Variants in PUS10 observed in about 807,000 individuals in gnomAD.
PUS10 encodes tRNA pseudouridine synthase Pus10.
In PUS10, 59 loss-of-function variants were observed where a neutral mutation model predicts 75.0. That is an observed-to-expected ratio of 0.79 (90% CI 0.64 to 0.98). The LOEUF is 0.98. Ranked by LOEUF, PUS10 falls within the 50% of genes least tolerant of loss-of-function variation. The pLI is 0.00. For missense variants in PUS10, 650 were observed against 614.4 expected (o/e 1.06, Z -0.61); for synonymous variants, 219 against 211.6 (o/e 1.03, Z -0.30).
intron 5 of PUS10, 39 bp from the exon 6 acceptor site, chr2:60,967,652 T>C: frequency 7.0e-7 from 1 of 1,435,556 alleles, no homozygotes; most frequent in East Asian, 2.3e-5. Flanking sequence ...CATGAAAAAC[T>C]TTACTTTTTC....
At position 61,011,708 on chromosome 2, in the gene PUS10, T is replaced by C; in HGVS notation, c.126+57A>G. ...CCCTCAAAAGTACAAGCATTCATTG[T>C]AAAATACAGAGAACCTTCTCTTAAT... On this transcript the variant is annotated intron_variant, in intron 2 of 17. Transcript: ENST00000316752. 7 of 1,333,688 alleles carry C rather than the reference T, an allele frequency of 5.2e-6. 1 individual carries two copies. In the South Asian group the frequency reaches 9.3e-5, roughly 18 times the overall value. The allele number at this position is 1,333,688 out of a possible 1,614,324, so 82.6% of individuals were successfully genotyped here.
intron 1 of PUS10, among the ~76,000 whole-genome samples, chr2:61,013,573 C>T (rs1480108114): frequency 1.3e-5 from 2 of 152,180 alleles, no homozygotes; most frequent in African/African-American, 4.8e-5. Flanking sequence ...AACGTGTATG[C>T]CTTTTCTCCC....
At chr2:60,984,543 C>T (rs1418360184) in intron 4 of PUS10, among the ~76,000 whole-genome samples, 1 of 152,180 alleles carries the variant, frequency 6.6e-6, no homozygotes, top group Non-Finnish European at 1.5e-5. Flanking sequence ...ATCAATTCAG[C>T]AGTTCCAATT....
chr2:60,967,199 CT>C (rs1676391016), intron 6 of PUS10: 1 of 252,720 alleles, frequency 4.0e-6, no homozygotes, highest in Non-Finnish European at 7.3e-6. Flanking sequence ...TTATATGTTG[CT>C]TTGCATCAAG....
chr2:60,962,675 T>G (rs1453989928), intron 9 of PUS10, 151 bp downstream of exon 9: 13 of 1,314,422 alleles, frequency 9.9e-6, no homozygotes, highest in Admixed American at 3.6e-5. Context: ...TGCCAGGTAC[T>G]GCACCATGGG....
rs748942918 is a variant in PUS10, at chr2:60,971,520, T to G, written c.503+3A>C. The G allele has an allele frequency of 9.3e-6, 15 of 1,613,470 alleles. No homozygotes were observed. Among genetic ancestry groups the G allele is most frequent in the Non-Finnish European group, 1.2e-5 (14 of 1,179,450 alleles). The stretch of plus-strand genomic sequence containing the variant: ...GTAAAAATTCCCTACCTAAATTACT[T>G]ACCCCATTTCCTGTTTTACCAGCAA... On this transcript the variant is annotated splice_donor_region_variant and intron_variant, in intron 5 of 17. Transcript: ENST00000316752.
Position 60,941,817 on chromosome 2 carries a change from T to G in PUS10, c.*578A>C, listed in dbSNP as rs1674641385. 1 of 152,344 alleles carries G rather than the reference T, an allele frequency of 6.6e-6. No individual in the cohort carries two copies. The highest frequency in any genetic ancestry group is 2.4e-5 in the African/African-American group (1 of 41,458). 9.4% of individuals were successfully genotyped at this position (152,344 alleles called of 1,614,324 possible). A position where few individuals can be genotyped will look rare whatever the true frequency, so the allele number is the denominator to read the frequency against. On this transcript the variant is annotated 3_prime_UTR_variant, in exon 18 of 18. Transcript: ENST00000316752. ...TAATGAAAGTATTAATGAGAATTAT[T>G]TCATTATTCATAGTTTGGTTAAGAT...
At chr2:60,964,394 A>G (rs1053346884) in intron 8 of PUS10, among the ~76,000 whole-genome samples, 5 of 152,226 alleles carry the variant, frequency 3.3e-5, no homozygotes, top group Admixed American at 1.3e-4. Flanking sequence ...AGGAATGCCT[A>G]AGTCTACGTA....
chr2:61,018,139 C>A lies in PUS10; in HGVS notation c.-147G>T. The A allele has an allele frequency of 6.5e-6, 10 of 1,549,876 alleles. No homozygotes were observed. The highest frequency in any genetic ancestry group is 7.9e-6 in the Non-Finnish European group (9 of 1,146,452). ...GAAAGGGGGGCGGCTTCCTACCTACCGCTTCTGTTTTCACTTTGACAGAAT... is the reference window on the plus strand; with the variant it reads ...GAAAGGGGGGCGGCTTCCTACCTACAGCTTCTGTTTTCACTTTGACAGAAT... On this transcript the variant is annotated 5_prime_UTR_variant, in exon 1 of 18. Transcript: ENST00000316752.
At chr2:60,973,064 C>A (rs1676789054) in intron 4 of PUS10, among the ~76,000 whole-genome samples, 1 of 152,184 alleles carries the variant, frequency 6.6e-6, no homozygotes, top group Admixed American at 6.5e-5. Context: ...CCCGAGGCAG[C>A]CAACTGTGCC....
chr2:61,012,188 A>G (rs1426232202), intron 1 of PUS10, among the ~76,000 whole-genome samples: 1 of 152,216 alleles, frequency 6.6e-6, no homozygotes, highest in Non-Finnish European at 1.5e-5. Flanking sequence ...AATAAAAATA[A>G]TCAAGAATGG....
chr2:61,000,687 C>T (rs1331536405), intron 4 of PUS10, among the ~76,000 whole-genome samples: 2 of 152,170 alleles, frequency 1.3e-5, no homozygotes, highest in African/African-American at 4.8e-5. Flanking sequence ...ACTTTCTTCC[C>T]CTTTGGAAAA....
intron 17 of PUS10, among the ~76,000 whole-genome samples, chr2:60,943,365 C>T (rs1674735556): frequency 6.6e-6 from 1 of 151,770 alleles, no homozygotes; most frequent in Non-Finnish European, 1.5e-5. Flanking sequence ...TAGGACAAAA[C>T]CTTGATCTTT....
chr2:61,009,046 C>T (rs932239977), intron 2 of PUS10, 31 bp from the exon 3 acceptor site: 1 of 1,584,274 alleles, frequency 6.3e-7, no homozygotes, highest in African/African-American at 1.4e-5. Flanking sequence ...AAAGTAATGA[C>T]CCACTGACAA....
chr2:60,973,980 G>T (rs1676862506), intron 4 of PUS10, among the ~76,000 whole-genome samples: 1 of 151,856 alleles, frequency 6.6e-6, no homozygotes, highest in South Asian at 2.1e-4. Flanking sequence ...CCTGCCTGCA[G>T]AGAGGAGCTT....
chr2:60,981,918 G>A (rs1002572163), intron 4 of PUS10, among the ~76,000 whole-genome samples: 1 of 151,994 alleles, frequency 6.6e-6, no homozygotes. Flanking sequence ...ACTTCTAGGG[G>A]TTGCTAGACC....
Position 60,941,215 on chromosome 2 carries a change from C to G in PUS10, c.*1180G>C, listed in dbSNP as rs1674611792. The G allele has an allele frequency of 1.3e-5, 2 of 152,124 alleles. No individual in the cohort carries two copies. The highest frequency in any genetic ancestry group is 2.9e-5 in the Non-Finnish European group (2 of 67,978). 9.4% of individuals were successfully genotyped at this position (152,124 alleles called of 1,614,324 possible). A position where few individuals can be genotyped will look rare whatever the true frequency, so the allele number is the denominator to read the frequency against. On this transcript the variant is annotated 3_prime_UTR_variant, in exon 18 of 18. Transcript: ENST00000316752. ...TTAATGTTTTTCCTCTTCATAATAC[C>G]AACTGAGGTTTAACTTAATAACAAA...
At chr2:60,996,152 G>A (rs1336616865) in intron 4 of PUS10, among the ~76,000 whole-genome samples, 5 of 152,196 alleles carry the variant, frequency 3.3e-5, no homozygotes, top group African/African-American at 1.2e-4. Flanking sequence ...CCTCCTTGCT[G>A]CATGCCACAG....
intron 2 of PUS10, 30 bp downstream of exon 2, chr2:61,011,735 T>TTA: frequency 1.5e-6 from 2 of 1,324,030 alleles, no homozygotes; most frequent in African/African-American, 1.5e-5. Flanking sequence ...TCTCTTAATT[T>TTA]GAAAAAAAAA....
Sources: allele counts gnomAD v4.1 joint callset (sites outside exome capture counted in the v4.1 genomes callset), GRCh38; gene constraint gnomAD v4.1.1; transcripts MANE v1.5; gene names NCBI Gene and HGNC (gene_info 2026-07-23, HGNC 2026-07-21).